BNC2: variants seen among roughly 807,000 people sequenced by gnomAD.
BNC2 encodes zinc finger protein basonuclin-2.
A neutral mutation model predicts 76.3 loss-of-function variants in BNC2; 20 were observed. The observed-to-expected ratio is 0.26, with a 90% CI of 0.18 to 0.38. BNC2 has a LOEUF of 0.38. Among genes scored for constraint, BNC2 ranks in the 10% least tolerant of loss-of-function variants. BNC2 has a pLI of 1.00. For missense variants in BNC2, 1,382 were observed against 1,399.8 expected, an observed-to-expected ratio of 0.99 and a Z score of 0.20; for synonymous variants, 582 against 514.8, an observed-to-expected ratio of 1.13 and a Z score of -1.77.
intron 3 of BNC2, among the ~76,000 whole-genome samples, chr9:16,696,112 A>G (rs745395481): frequency 3.9e-5 from 6 of 152,172 alleles, no homozygotes; most frequent in African/African-American, 1.2e-4. Flanking sequence ...GACCTCTGCA[A>G]TAACCCTTTA....
At chr9:16,636,285 T>C (rs558328911) in intron 3 of BNC2, among the ~76,000 whole-genome samples, 25 of 152,074 alleles carry the variant, frequency 1.6e-4, no homozygotes, top group Non-Finnish European at 3.1e-4. Context: ...TTCTAGAAGA[T>C]GCAAGTTTTT....
intron 3 of BNC2, among the ~76,000 whole-genome samples, chr9:16,618,605 T>C (rs1820777479): frequency 6.6e-6 from 1 of 152,150 alleles, no homozygotes; most frequent in Non-Finnish European, 1.5e-5. Context: ...TAAAAGAATC[T>C]ACAAGTTCTC....
chr9:16,507,475 C>G lies in BNC2; in HGVS notation c.669+45055G>C, dbSNP rs905337620. On this transcript the variant is annotated intron_variant, in intron 5 of 6. Coordinates refer to ENST00000380672, the MANE Select transcript of BNC2 (RefSeq NM_017637.6). Reference sequence around the variant, plus strand: ...ACGAAGTCTCACTCTGTTGCCCAAGCTGGAGTGCAGTGACACAATTTCAGC... The same window carrying G: ...ACGAAGTCTCACTCTGTTGCCCAAGGTGGAGTGCAGTGACACAATTTCAGC... Among the ~76,000 whole-genome samples the G allele has an allele frequency of 3.3e-5, 5 of 152,094 alleles. No individual in the cohort carries two copies. The South Asian group carries it at 1.0e-3, about 32-fold the overall frequency.
At chr9:16,593,957 T>C (rs1380698207) in intron 3 of BNC2, among the ~76,000 whole-genome samples, 2 of 152,170 alleles carry the variant, frequency 1.3e-5, no homozygotes, top group African/African-American at 4.8e-5. Flanking sequence ...GAATCAGCAA[T>C]TTTGTATTCC....
At chr9:16,566,633 C>A (rs1174100089) in intron 4 of BNC2, among the ~76,000 whole-genome samples, 1 of 152,088 alleles carries the variant, frequency 6.6e-6, no homozygotes, top group Non-Finnish European at 1.5e-5. Context: ...GGTACACAGA[C>A]TGAATCATAA....
intron 4 of BNC2, among the ~76,000 whole-genome samples, chr9:16,560,636 G>A (rs763681774): frequency 2.0e-5 from 3 of 152,174 alleles, no homozygotes; most frequent in Non-Finnish European, 4.4e-5. Flanking sequence ...ACAGAGACAG[G>A]AGGATCACTT....
intron 5 of BNC2, among the ~76,000 whole-genome samples, chr9:16,441,779 T>C (rs1821134101): frequency 6.6e-6 from 1 of 152,246 alleles, no homozygotes. Flanking sequence ...ATTTTTATTG[T>C]ATTTAACTTA....
chr9:16,850,136 A>C (rs761970126), intron 1 of BNC2, among the ~76,000 whole-genome samples: 1 of 152,218 alleles, frequency 6.6e-6, no homozygotes, highest in African/African-American at 2.4e-5. Flanking sequence ...CTCACATCTT[A>C]GTTAAAACTT....
chr9:16,577,848 T>G (rs1819527537), intron 4 of BNC2, among the ~76,000 whole-genome samples: 1 of 152,126 alleles, frequency 6.6e-6, no homozygotes, highest in South Asian at 2.1e-4. Context: ...GAATGAAGAT[T>G]CTAGTATTCA....
At chr9:16,825,040 C>G (rs907159483) in intron 1 of BNC2, among the ~76,000 whole-genome samples, 1 of 76,108 alleles carries the variant, frequency 1.3e-5, no homozygotes, top group Admixed American at 1.5e-4. Flanking sequence ...TTTTTCTTAC[C>G]CCTCTTTTTT....
chr9:16,416,397 A>C lies in BNC2; in HGVS notation c.*2592T>G, dbSNP rs1820584962. On this transcript the variant is annotated 3_prime_UTR_variant, in exon 7 of 7. Transcript: ENST00000380672. ...GCACAACACAGAGAACGCTGAGAGG[A>C]CCAAAATGTTTGCAAACAAACTTTC... 6.5e-6 allele frequency: 1 copy of C among 152,770 alleles called. No individual in the cohort carries two copies. The highest frequency in any genetic ancestry group is 1.5e-5 in the Non-Finnish European group (1 of 68,022). 9.5% of individuals were successfully genotyped at this position (152,770 alleles called of 1,614,324 possible). A position where few individuals can be genotyped will look rare whatever the true frequency, so the allele number is the denominator to read the frequency against.
At chr9:16,706,135 A>G (rs1362902964) in intron 3 of BNC2, among the ~76,000 whole-genome samples, 1 of 152,190 alleles carries the variant, frequency 6.6e-6, no homozygotes, top group Non-Finnish European at 1.5e-5. Flanking sequence ...TTTATAACCA[A>G]TCACAACAGT....
In BNC2 at chr9:16,417,231, T is replaced by C. The variant is rs529854684; in HGVS notation, c.*1758A>G. ...GCTGCAGACTGAACTTGAGTAAATA[T>C]CATCATTTAGTCAGTATGTTGTGGT... is the stretch of plus-strand genomic sequence containing the variant. On this transcript the variant is annotated 3_prime_UTR_variant, in exon 7 of 7. Transcript: ENST00000380672. 2 of 152,648 alleles carry C rather than the reference T, an allele frequency of 1.3e-5. No individual in the cohort carries two copies. The highest frequency in any genetic ancestry group is 6.5e-5 in the Admixed American group (1 of 15,286). 9.5% of individuals were successfully genotyped at this position (152,648 alleles called of 1,614,324 possible).
chr9:16,587,687 G>A (rs1232038673), intron 3 of BNC2, among the ~76,000 whole-genome samples: 2 of 152,070 alleles, frequency 1.3e-5, no homozygotes, highest in Non-Finnish European at 2.9e-5. Context: ...TAGAAACAGT[G>A]GCTGTCCATT....
chr9:16,494,894 G>A (rs1455779285), intron 5 of BNC2, among the ~76,000 whole-genome samples: 1 of 152,072 alleles, frequency 6.6e-6, no homozygotes, highest in East Asian at 1.9e-4. Context: ...ATGAGTTGAT[G>A]GGTGCAGCAA....
chr9:16,458,285 TG>T (rs1821498801), intron 5 of BNC2, among the ~76,000 whole-genome samples: 1 of 152,218 alleles, frequency 6.6e-6, no homozygotes, highest in South Asian at 2.1e-4. Context: ...AGTTATTTAT[TG>T]GAAGATGCAA....
At chr9:16,495,414 C>A (rs1226019352) in intron 5 of BNC2, among the ~76,000 whole-genome samples, 1 of 152,210 alleles carries the variant, frequency 6.6e-6, no homozygotes, top group Non-Finnish European at 1.5e-5. Flanking sequence ...TTAAGCAGAT[C>A]ACATACTCAA....
intron 5 of BNC2, among the ~76,000 whole-genome samples, chr9:16,451,509 T>C (rs1163788443): frequency 2.6e-5 from 4 of 150,984 alleles, no homozygotes; most frequent in African/African-American, 9.9e-5. Flanking sequence ...CCCCTCAATA[T>C]AGACTCAACC....
At chr9:16,766,804 GC>G (rs1272986782) in intron 1 of BNC2, among the ~76,000 whole-genome samples, 1 of 152,194 alleles carries the variant, frequency 6.6e-6, no homozygotes, top group Non-Finnish European at 1.5e-5. Context: ...AGGTTACTTT[GC>G]TTTTCCTGAA....
Sources: gnomAD v4.1 joint callset for allele counts (sites outside exome capture counted in the v4.1 genomes callset) on GRCh38, gnomAD v4.1.1 for gene constraint, MANE v1.5 for transcripts, NCBI Gene and HGNC (gene_info 2026-07-23, HGNC 2026-07-21) for gene names.